Variants in RAC2 observed in about 807,000 individuals in gnomAD.
RAC2 encodes Rac family small GTPase 2, also known as ras-related C3 botulinum toxin substrate 2.
A neutral mutation model predicts 24.0 loss-of-function variants in RAC2; 1 was observed. The ratio of observed to expected loss-of-function variants is 0.04; its 90% confidence interval spans 0.01 to 0.20. RAC2 has a LOEUF of 0.20. Ranked by LOEUF, RAC2 falls within the 10% of genes least tolerant of loss-of-function variation. The probability of loss-of-function intolerance (pLI) is 1.00; values close to 1 mark genes in which losing one functional copy is unlikely to be tolerated. For missense variants in RAC2, 130 were observed against 259.1 expected, an observed-to-expected ratio of 0.50 and a Z score of 3.42; for synonymous variants, 114 against 106.8, an observed-to-expected ratio of 1.07 and a Z score of -0.41.
chr22:37,234,373 G>C (rs1312289800), intron 2 of RAC2, among the ~76,000 whole-genome samples: 3 of 152,230 alleles, frequency 2.0e-5, no homozygotes, highest in Admixed American at 6.5e-5. Flanking sequence ...TTGGCTCAGA[G>C]AGATGCAGTG....
At chr22:37,244,077 A>T (rs1555909153) in intron 1 of RAC2, 37 bp downstream of exon 1, 1 of 1,613,728 alleles carries the variant, frequency 6.2e-7, no homozygotes, top group Non-Finnish European at 8.5e-7. Flanking sequence ...AGGGCATCCC[A>T]GTTGGGGGCT....
chr22:37,242,880 G>A (rs973286437), intron 1 of RAC2, among the ~76,000 whole-genome samples: 4 of 152,258 alleles, frequency 2.6e-5, no homozygotes, highest in African/African-American at 9.6e-5. Flanking sequence ...CTGTAGAATG[G>A]GAAGGCTGGA....
intron 2 of RAC2, among the ~76,000 whole-genome samples, chr22:37,236,808 C>CA (rs1332896649): frequency 1.3e-5 from 2 of 152,262 alleles, no homozygotes; most frequent in Middle Eastern, 3.4e-3. Flanking sequence ...GTCATAGGGG[C>CA]ACGGACCAGT....
Position 37,226,750 on chromosome 22 carries a change from C to A in RAC2, c.502G>T (p.Val168Leu), listed in dbSNP as rs1926847125. ...SALTQRGLKTVFDEAIRAVLC... is the reference protein window; with the variant it reads ...SALTQRGLKTLFDEAIRAVLC... ...ACGGCCCGGATGGCCTCGTCGAACACGGTTTTCAGGCCTCTCTGGGTGAGA... is the reference window on the plus strand; with the variant it reads ...ACGGCCCGGATGGCCTCGTCGAACAAGGTTTTCAGGCCTCTCTGGGTGAGA... The change falls in exon 6 of 7, where the codon GTG becomes TTG. Residue 168 changes from valine (V) to leucine (L), a missense_variant. Coordinates refer to ENST00000249071, the MANE Select transcript of RAC2 (RefSeq NM_002872.5). The A allele has an allele frequency of 2.5e-6, 4 of 1,613,004 alleles. No individual in the cohort carries two copies. The highest frequency in any genetic ancestry group is 3.4e-6 in the Non-Finnish European group (4 of 1,179,594).
rs995985835 is a variant in RAC2 at position 37,233,572 on chromosome 22, T to C, written c.108-654A>G. Among the ~76,000 whole-genome samples, 140 of 152,344 alleles carry C rather than the reference T, an allele frequency of 9.2e-4. 1 individual carries two copies. The highest frequency in any genetic ancestry group is 1.8e-3 in the Admixed American group (28 of 15,302). On this transcript the variant is annotated intron_variant, in intron 2 of 6. Transcript: ENST00000249071. ...TGCTAGGATTACAGGCGTGAGCCAC[T>C]GCGCCCAGCCGCAATATTTTGTCGA...
chr22:37,241,115 C>T (rs375636571), intron 2 of RAC2: 221 of 777,532 alleles, frequency 2.8e-4, no homozygotes, highest in African/African-American at 2.4e-3. Flanking sequence ...CCTCCACGTC[C>T]GATGACAGCC....
rs200023542 is a variant in RAC2, at chr22:37,226,845, G to C, written c.449-42C>G. The C allele has an allele frequency of 2.5e-5, 39 of 1,583,784 alleles. No individual in the cohort carries two copies. In the East Asian group the frequency reaches 8.0e-4, roughly 33 times the overall value. ...ACAGGAGAGCCAAGGCCTAAGTGGC[G>C]GGGGGGGTTCTGGGCCAACATGTCT... On this transcript the variant is annotated intron_variant, in intron 5 of 6. Coordinates refer to ENST00000249071, the MANE Select transcript of RAC2 (RefSeq NM_002872.5).
In RAC2 at chr22:37,225,798, G is replaced by A. The variant is rs1017336967; in HGVS notation, c.*244C>T. On this transcript the variant is annotated 3_prime_UTR_variant, in exon 7 of 7. Coordinates refer to ENST00000249071, the MANE Select transcript of RAC2 (RefSeq NM_002872.5). ...ACGGGGGTGGCTTAATGGGTCCTGG[G>A]GCTCCCCTCTGGCCCTCAGGAAGGC... 1 of 152,260 alleles carries A rather than the reference G, an allele frequency of 6.6e-6. No homozygotes were observed. The highest frequency in any genetic ancestry group is 1.5e-5 in the Non-Finnish European group (1 of 68,112). 9.4% of individuals were successfully genotyped at this position (152,260 alleles called of 1,614,324 possible). A position where few individuals can be genotyped will look rare whatever the true frequency, so the allele number is the denominator to read the frequency against.
intron 2 of RAC2, among the ~76,000 whole-genome samples, chr22:37,233,787 T>TG (rs575351371): frequency 3.3e-4 from 50 of 152,274 alleles, no homozygotes; most frequent in African/African-American, 1.2e-3. Context: ...CTGCTGCTGC[T>TG]CTCAGTCCTG....
intron 2 of RAC2, among the ~76,000 whole-genome samples, chr22:37,237,053 G>A (rs1193644732): frequency 6.6e-6 from 1 of 152,108 alleles, no homozygotes; most frequent in Non-Finnish European, 1.5e-5. Context: ...GCTGGGTGTG[G>A]TGGTGCATGC....
intron 1 of RAC2, among the ~76,000 whole-genome samples, chr22:37,242,036 C>A (rs1320696113): frequency 6.6e-6 from 1 of 152,228 alleles, no homozygotes; most frequent in Non-Finnish European, 1.5e-5. Context: ...AGCTGTACCA[C>A]CTACCAGTGG....
chr22:37,233,898 A>T (rs9607431), intron 2 of RAC2, among the ~76,000 whole-genome samples: 1 of 152,024 alleles, frequency 6.6e-6, no homozygotes, highest in African/African-American at 2.4e-5. Context: ...CCAGGGAAAG[A>T]GGGCTGCTTC....
chr22:37,227,831 G>A (rs1926931454), intron 5 of RAC2, among the ~76,000 whole-genome samples: 1 of 152,052 alleles, frequency 6.6e-6, no homozygotes, highest in Admixed American at 6.5e-5. Flanking sequence ...CCTCATGTCT[G>A]TAATAGCGAG....
chr22:37,226,316 G>C (rs1038421172), intron 6 of RAC2, among the ~76,000 whole-genome samples: 6 of 151,948 alleles, frequency 3.9e-5, no homozygotes, highest in Admixed American at 3.9e-4. Flanking sequence ...CCACATATGT[G>C]GGTGCAGGAT....
chr22:37,242,481 G>A (rs574195945), intron 1 of RAC2, among the ~76,000 whole-genome samples: 24 of 152,262 alleles, frequency 1.6e-4, no homozygotes, highest in South Asian at 1.5e-3. Context: ...TGCGAGGCTG[G>A]GAGCGGGTGC....
Position 37,232,038 on chromosome 22 carries a change from G to A in RAC2, c.226-44C>T, listed in dbSNP as rs1306136734. 6.5e-6 allele frequency: 10 copies of A among 1,541,902 alleles called. No homozygotes were observed. The East Asian group carries it at 7.4e-5, about 11-fold the overall frequency. On this transcript the variant is annotated intron_variant, in intron 3 of 6. Coordinates refer to ENST00000249071, the MANE Select transcript of RAC2 (RefSeq NM_002872.5). ...AGGTTGCTAGTGAGGAGGGCCCAGA[G>A]GTGTCCCACCATGGCAGCCACCGAG...
Position 37,231,577 on chromosome 22 carries a change from T to C in RAC2, c.289-187A>G. On this transcript the variant is annotated intron_variant, in intron 4 of 6. Coordinates refer to ENST00000249071, the MANE Select transcript of RAC2 (RefSeq NM_002872.5). This position sits in a 1 kb window ranked among gnomAD's most constrained non-coding sequence, Gnocchi z 5.5. ...GCACAGGGAGGGGAGGCCACGACGTTGTGCAGGAAGGAGGGGGCGCATGAT... is the reference window on the plus strand; with the variant it reads ...GCACAGGGAGGGGAGGCCACGACGTCGTGCAGGAAGGAGGGGGCGCATGAT... 1.6e-6 allele frequency: 1 copy of C among 621,622 alleles called. No individual in the cohort carries two copies. The highest frequency in any genetic ancestry group is 2.8e-6 in the Non-Finnish European group (1 of 352,844). The allele number at this position is 621,622 out of a possible 1,614,324, so 38.5% of individuals were successfully genotyped here. A position where few individuals can be genotyped will look rare whatever the true frequency, so the allele number is the denominator to read the frequency against.
intron 2 of RAC2, among the ~76,000 whole-genome samples, chr22:37,236,694 C>G (rs953673864): frequency 6.6e-6 from 1 of 152,062 alleles, no homozygotes; most frequent in Non-Finnish European, 1.5e-5. Flanking sequence ...TATCACCTGA[C>G]CACCACCGAA....
In RAC2 at chr22:37,231,523, CGACGGTGAGGAGAGAGA is replaced by C. The variant is rs1927061827; in HGVS notation, c.289-150_289-134del. ...GTTGCCAGAAGATCAGAGGTGGGCACGACGGTGAGGAGAGAGAGACGTGAGGTGGCACAGGGAGGGGA... is the reference window on the plus strand; with the variant it reads ...GTTGCCAGAAGATCAGAGGTGGGCACGACGTGAGGTGGCACAGGGAGGGGA... On this transcript the variant is annotated intron_variant, in intron 4 of 6. Coordinates refer to ENST00000249071, the MANE Select transcript of RAC2 (RefSeq NM_002872.5). The surrounding 1 kb of genome is among the most constrained non-coding windows in gnomAD (Gnocchi z 5.5). 3 of 815,248 alleles carry C rather than the reference CGACGGTGAGGAGAGAGA, an allele frequency of 3.7e-6. No individual in the cohort carries two copies. The highest frequency in any genetic ancestry group is 6.0e-6 in the Non-Finnish European group (3 of 503,722). The allele number at this position is 815,248 out of a possible 1,614,324, so 50.5% of individuals were successfully genotyped here. A position where few individuals can be genotyped will look rare whatever the true frequency, so the allele number is the denominator to read the frequency against.
Sources: gnomAD v4.1 joint callset for allele counts (sites outside exome capture counted in the v4.1 genomes callset) on GRCh38, gnomAD v4.1.1 for gene constraint, Gnocchi (gnomAD v3.1) non-coding constraint, MANE v1.5 for transcripts, NCBI Gene and HGNC (gene_info 2026-07-23, HGNC 2026-07-21) for gene names.